The following CRPPA variants were observed in gnomAD, a reference collection of about 807,000 sequenced individuals.
The protein encoded by CRPPA is CDP-L-ribitol pyrophosphorylase A.
CRPPA carries 43 observed loss-of-function variants against 52.0 expected under a neutral mutation model. The observed-to-expected ratio is 0.83, with a 90% CI of 0.65 to 1.07. The LOEUF is 1.07. Ranked by LOEUF, CRPPA falls within the 50% of genes least tolerant of loss-of-function variation. The probability of loss-of-function intolerance (pLI) is 0.00; values close to 1 mark genes in which losing one functional copy is unlikely to be tolerated. For synonymous variants in CRPPA, 250 were observed against 203.5 expected, an observed-to-expected ratio of 1.23 and a Z score of -1.94; for missense variants, 629 against 551.7, an observed-to-expected ratio of 1.14 and a Z score of -1.40.
At chr7:16,246,274 C>A (rs1173143301) in intron 8 of CRPPA, among the ~76,000 whole-genome samples, 1 of 152,178 alleles carries the variant, frequency 6.6e-6, no homozygotes, top group Non-Finnish European at 1.5e-5. Flanking sequence ...CCATAAGAAG[C>A]AACTCCTCAT....
intron 8 of CRPPA, among the ~76,000 whole-genome samples, chr7:16,238,779 T>C (rs1260816510): frequency 2.0e-5 from 3 of 152,102 alleles, no homozygotes; most frequent in African/African-American, 4.8e-5. Flanking sequence ...AAATCATGCA[T>C]AAGAGCATAT....
chr7:16,299,144 A>T (rs1456174175), intron 5 of CRPPA, among the ~76,000 whole-genome samples: 1 of 152,204 alleles, frequency 6.6e-6, no homozygotes, highest in Non-Finnish European at 1.5e-5. Context: ...GCCTACAGGT[A>T]AATATACAGC....
At chr7:16,286,097 A>AAAATATATATATATATATAT in intron 5 of CRPPA, among the ~76,000 whole-genome samples, 9 of 39,118 alleles carry the variant, frequency 2.3e-4, no homozygotes, top group South Asian at 6.5e-4. Context: ...TAAAAAAAAA[A>AAAATATATATATATATATAT]ATATATATAT....
intron 9 of CRPPA, among the ~76,000 whole-genome samples, chr7:16,196,061 T>G (rs1781726285): frequency 6.6e-6 from 1 of 152,174 alleles, no homozygotes; most frequent in Admixed American, 6.5e-5. Flanking sequence ...GGCCTTCATT[T>G]TATTTTGTAC....
intron 5 of CRPPA, among the ~76,000 whole-genome samples, chr7:16,288,412 AT>A (rs1226885028): frequency 1.3e-5 from 2 of 152,164 alleles, no homozygotes; most frequent in East Asian, 1.9e-4. Flanking sequence ...GCCTTAAAAA[AT>A]ATCTTTAACA....
At chr7:16,221,007 A>C (rs1352371573) in intron 8 of CRPPA, among the ~76,000 whole-genome samples, 1 of 152,094 alleles carries the variant, frequency 6.6e-6, no homozygotes, top group African/African-American at 2.4e-5. Flanking sequence ...AGCCAAAAGA[A>C]CAAAGCTGGA....
intron 9 of CRPPA, among the ~76,000 whole-genome samples, chr7:16,191,611 AT>A (rs1224825532): frequency 2.0e-5 from 3 of 152,156 alleles, no homozygotes; most frequent in Non-Finnish European, 4.4e-5. Context: ...TGCTAAAAGA[AT>A]GAACTAGTGA....
chr7:16,293,386 G>A (rs1784602052), intron 5 of CRPPA, among the ~76,000 whole-genome samples: 1 of 151,820 alleles, frequency 6.6e-6, no homozygotes, highest in Non-Finnish European at 1.5e-5. Context: ...TTATTCTATT[G>A]CATTCTTTGA....
chr7:16,137,040 T>C (rs1782776417), intron 9 of CRPPA, among the ~76,000 whole-genome samples: 1 of 152,270 alleles, frequency 6.6e-6, no homozygotes, highest in African/African-American at 2.4e-5. Context: ...TTCAACCTTT[T>C]TGATGTGGTT....
chr7:16,183,384 C>A (rs1404068351), intron 9 of CRPPA, among the ~76,000 whole-genome samples: 1 of 152,170 alleles, frequency 6.6e-6, no homozygotes, highest in Admixed American at 6.5e-5. Context: ...GAGAAAAGTA[C>A]TGTGGAGAAT....
intron 3 of CRPPA, among the ~76,000 whole-genome samples, chr7:16,368,063 C>G (rs1786655884): frequency 6.6e-6 from 1 of 152,130 alleles, no homozygotes; most frequent in South Asian, 2.1e-4. Context: ...GGCCAGGTCT[C>G]TGAACAATAA....
At chr7:16,301,157 C>G (rs976108133) in intron 5 of CRPPA, among the ~76,000 whole-genome samples, 9 of 152,168 alleles carry the variant, frequency 5.9e-5, no homozygotes, top group Non-Finnish European at 1.3e-4. Flanking sequence ...TATTTTCCTT[C>G]TAATAGTATC....
chr7:16,180,055 G>C (rs781265266), intron 9 of CRPPA, among the ~76,000 whole-genome samples: 57 of 152,166 alleles, frequency 3.7e-4, no homozygotes, highest in Non-Finnish European at 7.2e-4. Flanking sequence ...ATAAGTCACG[G>C]AGATAAATAA....
At chr7:16,226,460 A>G (rs1286252591) in intron 8 of CRPPA, among the ~76,000 whole-genome samples, 5 of 151,890 alleles carry the variant, frequency 3.3e-5, no homozygotes, top group African/African-American at 1.2e-4. Flanking sequence ...CCATGAAGGT[A>G]CATCATGTGA....
At chr7:16,258,347 A>C in intron 8 of CRPPA, 43 bp downstream of exon 8, 4 of 1,198,690 alleles carry the variant, frequency 3.3e-6, no homozygotes, top group Non-Finnish European at 4.8e-6. Context: ...GTTACAAAGA[A>C]GGAAGCATAA....
intron 8 of CRPPA, among the ~76,000 whole-genome samples, chr7:16,255,156 T>C (rs960029179): frequency 4.0e-5 from 6 of 151,792 alleles, no homozygotes; most frequent in Non-Finnish European, 7.4e-5. Context: ...ATCAGACAAA[T>C]AGAGAGCCAA....
rs899009048 is a variant in CRPPA at position 16,088,487 on chromosome 7, G to T, written c.*3208C>A. The T allele has an allele frequency of 7.1e-6, 1 of 141,518 alleles. No homozygotes were observed. The highest frequency in any genetic ancestry group is 2.6e-5 in the African/African-American group (1 of 38,398). 8.8% of individuals were successfully genotyped at this position (141,518 alleles called of 1,614,324 possible). A position where few individuals can be genotyped will look rare whatever the true frequency, so the allele number is the denominator to read the frequency against. On this transcript the variant is annotated 3_prime_UTR_variant, in exon 10 of 10. Coordinates refer to ENST00000407010, the MANE Select transcript of CRPPA (RefSeq NM_001101426.4). ...GGCTGGAGTGCAGTGGCGCTATGTC[G>T]GCTCACTGCAAGCTCCGCCTCCCAG...
intron 2 of CRPPA, among the ~76,000 whole-genome samples, chr7:16,378,460 A>G (rs575759081): frequency 6.6e-6 from 1 of 151,706 alleles, no homozygotes; most frequent in East Asian, 1.9e-4. Flanking sequence ...TTATGGCTGC[A>G]TAGTATTCTA....
At chr7:16,201,395 T>C (rs1430207535) in intron 9 of CRPPA, among the ~76,000 whole-genome samples, 1 of 152,158 alleles carries the variant, frequency 6.6e-6, no homozygotes, top group Non-Finnish European at 1.5e-5. Flanking sequence ...AATTTGTTCT[T>C]TTTGAACGAT....
Sources: allele counts gnomAD v4.1 joint callset (sites outside exome capture counted in the v4.1 genomes callset), GRCh38; gene constraint gnomAD v4.1.1; transcripts MANE v1.5; gene names NCBI Gene and HGNC (gene_info 2026-07-23, HGNC 2026-07-21).